The following HNRNPLL variants were observed in gnomAD, a reference collection of about 807,000 sequenced individuals.
HNRNPLL encodes heterogeneous nuclear ribonucleoprotein L like.
In HNRNPLL, 25 loss-of-function variants were observed where a neutral mutation model predicts 67.1. The ratio of observed to expected loss-of-function variants is 0.37; its 90% confidence interval spans 0.27 to 0.52. The LOEUF is 0.52. Among genes scored for constraint, HNRNPLL ranks in the 20% least tolerant of loss-of-function variants. The pLI is 0.90. For missense variants in HNRNPLL, 542 were observed against 673.9 expected (o/e 0.80, Z 2.17); for synonymous variants, 267 against 241.7 (o/e 1.10, Z -0.97).
intron 8 of HNRNPLL, among the ~76,000 whole-genome samples, chr2:38,572,234 G>GT (rs386389976): frequency 2.6e-5 from 4 of 151,798 alleles, no homozygotes; most frequent in South Asian, 2.1e-4. Flanking sequence ...GTTTTGTTTT[G>GT]TTTTTTACTG....
intron 8 of HNRNPLL, among the ~76,000 whole-genome samples, chr2:38,572,973 A>C (rs961976235): frequency 1.1e-4 from 16 of 152,050 alleles, no homozygotes; most frequent in African/African-American, 3.9e-4. Flanking sequence ...CTACTGATTT[A>C]GACTTCTTTT....
rs770361618 is a variant in HNRNPLL at position 38,577,541 on chromosome 2, A to G, written c.803-9T>C. ...GCGACCCTTTCCTCTATCTGACACA[A>G]AAGTAGAAACATGGTTTTAACAATT... is the stretch of plus-strand genomic sequence containing the variant. On this transcript the variant is annotated splice_polypyrimidine_tract_variant and intron_variant, in intron 6 of 12. Coordinates refer to ENST00000449105, the MANE Select transcript of HNRNPLL (RefSeq NM_138394.4). 5.0e-6 allele frequency: 8 copies of G among 1,589,700 alleles called. No individual in the cohort carries two copies. The South Asian group carries it at 8.8e-5, about 18-fold the overall frequency.
intron 2 of HNRNPLL, among the ~76,000 whole-genome samples, chr2:38,588,546 C>CAAAAAAAAAAAAAAAAAA (rs70954733): frequency 7.8e-5 from 4 of 51,008 alleles, no homozygotes; most frequent in African/African-American, 2.2e-4. Context: ...AACTCCATCT[C>CAAAAAAAAAAAAAAAAAA]AAAAAAAAAA....
intron 1 of HNRNPLL, among the ~76,000 whole-genome samples, chr2:38,594,750 G>C (rs970632517): frequency 6.6e-6 from 1 of 151,884 alleles, no homozygotes; most frequent in African/African-American, 2.4e-5. Context: ...AGGAGTTCGA[G>C]ATCAACCTGG....
At chr2:38,576,504 A>G (rs1261362041) in intron 7 of HNRNPLL, among the ~76,000 whole-genome samples, 6 of 151,748 alleles carry the variant, frequency 4.0e-5, no homozygotes, top group African/African-American at 1.4e-4. Flanking sequence ...GATGGTTTCA[A>G]TCTTTTCTGC....
intron 3 of HNRNPLL, among the ~76,000 whole-genome samples, chr2:38,584,205 G>C (rs1666641274): frequency 6.6e-6 from 1 of 152,072 alleles, no homozygotes; most frequent in Admixed American, 6.6e-5. Flanking sequence ...AGACTTCAAG[G>C]CATGCACCAC....
intron 4 of HNRNPLL, among the ~76,000 whole-genome samples, chr2:38,583,429 T>C (rs908628463): frequency 4.6e-5 from 7 of 152,152 alleles, no homozygotes; most frequent in Non-Finnish European, 8.8e-5. Context: ...ACTCAATGTG[T>C]GACAAATTTA....
intron 8 of HNRNPLL, among the ~76,000 whole-genome samples, chr2:38,572,674 A>G (rs1666139227): frequency 6.6e-6 from 1 of 152,106 alleles, no homozygotes; most frequent in Non-Finnish European, 1.5e-5. Context: ...ATATTGCTAG[A>G]CAGGAAGTTT....
At chr2:38,590,511 T>C (rs1309733051) in intron 2 of HNRNPLL, among the ~76,000 whole-genome samples, 1 of 152,214 alleles carries the variant, frequency 6.6e-6, no homozygotes, top group African/African-American at 2.4e-5. Context: ...CGCTAGATTA[T>C]CTATACTAAG....
intron 6 of HNRNPLL, among the ~76,000 whole-genome samples, chr2:38,578,863 GTTA>G (rs1358713340): frequency 6.6e-6 from 1 of 152,024 alleles, no homozygotes; most frequent in Non-Finnish European, 1.5e-5. Flanking sequence ...TGCTCAAGAA[GTTA>G]TTATGACTGT....
At chr2:38,586,005 C>T (rs921397400) in intron 2 of HNRNPLL, 124 bp from the exon 3 acceptor site, 2 of 696,370 alleles carry the variant, frequency 2.9e-6, no homozygotes, top group Admixed American at 4.5e-5. Context: ...TCTTCACTAC[C>T]TGTGTCCAAC....
At chr2:38,570,383 G>C (rs1378937239) in intron 8 of HNRNPLL, among the ~76,000 whole-genome samples, 1 of 152,170 alleles carries the variant, frequency 6.6e-6, no homozygotes, top group East Asian at 1.9e-4. Flanking sequence ...TATTCTAGTA[G>C]TTAAGTCAGA....
chr2:38,588,412 G>A (rs1412439679), intron 2 of HNRNPLL, among the ~76,000 whole-genome samples: 11 of 151,886 alleles, frequency 7.2e-5, no homozygotes, highest in Admixed American at 6.6e-4. Context: ...AGCCAGGCAC[G>A]GTGGCAGGCG....
At chr2:38,580,398 T>C (rs912713397) in intron 6 of HNRNPLL, among the ~76,000 whole-genome samples, 3 of 152,234 alleles carry the variant, frequency 2.0e-5, no homozygotes, top group African/African-American at 7.2e-5. Context: ...GATGATTTCC[T>C]GGGAATTGAG....
intron 1 of HNRNPLL, among the ~76,000 whole-genome samples, chr2:38,596,644 T>C (rs1203992800): frequency 5.3e-5 from 8 of 152,172 alleles, no homozygotes; most frequent in African/African-American, 1.9e-4. Context: ...AACAAATCAG[T>C]TTTGTTTTTA....
chr2:38,599,184 T>C (rs535503248), intron 1 of HNRNPLL, among the ~76,000 whole-genome samples: 1 of 152,370 alleles, frequency 6.6e-6, no homozygotes, highest in East Asian at 1.9e-4. Flanking sequence ...AACAATTTTA[T>C]CTTGGCATTT....
At chr2:38,588,273 G>T (rs1009714390) in intron 2 of HNRNPLL, among the ~76,000 whole-genome samples, 1 of 152,212 alleles carries the variant, frequency 6.6e-6, no homozygotes, top group Admixed American at 6.5e-5. Context: ...GAGCTGGCTA[G>T]GCACGGTGGC....
chr2:38,597,728 G>T (rs1465968589), intron 1 of HNRNPLL, among the ~76,000 whole-genome samples: 2 of 147,560 alleles, frequency 1.4e-5, no homozygotes, highest in African/African-American at 2.5e-5. Flanking sequence ...TCGCTCTGTC[G>T]CCCAGGCTGG....
intron 6 of HNRNPLL, chr2:38,581,709 A>G: frequency 1.8e-6 from 1 of 567,672 alleles, no homozygotes; most frequent in Non-Finnish European, 3.1e-6. Context: ...TTGTTGAACT[A>G]AATATAAATA....
Sources: gnomAD v4.1 joint callset for allele counts (sites outside exome capture counted in the v4.1 genomes callset) on GRCh38, gnomAD v4.1.1 for gene constraint, MANE v1.5 for transcripts, NCBI Gene and HGNC (gene_info 2026-07-23, HGNC 2026-07-21) for gene names.